Variants in TSPAN15 observed in about 807,000 individuals in gnomAD.
TSPAN15 encodes tetraspanin 15.
TSPAN15 carries 20 observed loss-of-function variants against 34.5 expected under a neutral mutation model. The observed-to-expected ratio is 0.58, with a 90% CI of 0.41 to 0.84. The LOEUF (loss-of-function observed/expected upper bound fraction) is 0.84, where lower values mean the gene tolerates loss of function less well. Ranked by LOEUF, TSPAN15 falls within the 40% of genes least tolerant of loss-of-function variation. The pLI is 0.00. For missense variants in TSPAN15, 313 were observed against 386.1 expected (o/e 0.81, Z 1.59); for synonymous variants, 155 against 153.9 (o/e 1.01, Z -0.05).
chr10:69,507,842 A>G (rs2133173814), downstream of TSPAN15, among the ~76,000 whole-genome samples: 1 of 151,092 alleles, frequency 6.6e-6, no homozygotes, highest in Non-Finnish European at 1.5e-5. Flanking sequence ...AGAGGTGACC[A>G]CGCCTATTTT....
chr10:69,459,838 G>T (rs1201676187), intron 1 of TSPAN15, among the ~76,000 whole-genome samples: 4 of 151,844 alleles, frequency 2.6e-5, no homozygotes, highest in Non-Finnish European at 4.4e-5. Flanking sequence ...GGGCAGTGGG[G>T]AGGATCCTGT....
intron 1 of TSPAN15, among the ~76,000 whole-genome samples, chr10:69,455,547 TTC>T (rs1165587609): frequency 1.1e-4 from 14 of 130,472 alleles, no homozygotes; most frequent in African/African-American, 3.8e-4. Flanking sequence ...TCTTTCTTTC[TTC>T]TCTCTCTCTC....
At chr10:69,540,492 C>T in the TSPAN15 span, among the ~76,000 whole-genome samples, 4 of 152,212 alleles carry the variant, frequency 2.6e-5, no homozygotes, top group African/African-American at 9.6e-5. Context: ...GAGGGGATTT[C>T]AATCAGAAGG....
At chr10:69,457,622 C>G (rs2065802807) in intron 1 of TSPAN15, among the ~76,000 whole-genome samples, 1 of 152,130 alleles carries the variant, frequency 6.6e-6, no homozygotes, top group South Asian at 2.1e-4. Context: ...TGGGCTTTCT[C>G]CAAGGATGAA....
chr10:69,457,909 T>G (rs1191853684), intron 1 of TSPAN15, among the ~76,000 whole-genome samples: 1 of 152,214 alleles, frequency 6.6e-6, no homozygotes, highest in East Asian at 1.9e-4. Flanking sequence ...TGCCTTCCTC[T>G]CTAGCCTTGC....
the TSPAN15 span, among the ~76,000 whole-genome samples, chr10:69,522,961 A>G: frequency 5.9e-3 from 876 of 147,910 alleles, 59 homozygotes; most frequent in African/African-American, 0.02. Context: ...TGTCACCTGT[A>G]CTTTTGATGT....
chr10:69,534,468 G>T, the TSPAN15 span, among the ~76,000 whole-genome samples: 29,119 of 152,104 alleles, frequency 0.19, 3,019 homozygotes, highest in East Asian at 0.29. Context: ...GGCACAAGGA[G>T]AATGAAAGAG....
At chr10:69,501,849 G>A (rs549192288) in intron 5 of TSPAN15, among the ~76,000 whole-genome samples, 72 of 152,250 alleles carry the variant, frequency 4.7e-4, no homozygotes, top group Non-Finnish European at 5.0e-4. Flanking sequence ...CATTAGAGTC[G>A]CATAGGAGTG....
At chr10:69,516,826 T>C in the TSPAN15 span, among the ~76,000 whole-genome samples, 1 of 152,220 alleles carries the variant, frequency 6.6e-6, no homozygotes, top group Admixed American at 6.5e-5. Context: ...ATCTGCTTTC[T>C]GCTCTGCTGT....
At chr10:69,541,181 G>A in the TSPAN15 span, among the ~76,000 whole-genome samples, 5 of 152,132 alleles carry the variant, frequency 3.3e-5, no homozygotes, top group African/African-American at 1.2e-4. Context: ...GTGATCACTG[G>A]GGGCAGTTCA....
chr10:69,479,514 G>A (rs538690287), intron 1 of TSPAN15, among the ~76,000 whole-genome samples: 30 of 152,334 alleles, frequency 2.0e-4, no homozygotes, highest in African/African-American at 7.0e-4. Flanking sequence ...AAATGGGCAT[G>A]GCCGTGTGCC....
At chr10:69,493,295 G>A (rs7088965) in intron 3 of TSPAN15, among the ~76,000 whole-genome samples, 57,154 of 152,006 alleles carry the variant, frequency 0.38, 11,450 homozygotes, top group Non-Finnish European at 0.44. Flanking sequence ...TGCCAGGTCC[G>A]CGAAGGGCCA....
chr10:69,502,466 G>A (rs1050744201), intron 5 of TSPAN15, among the ~76,000 whole-genome samples: 2 of 152,176 alleles, frequency 1.3e-5, no homozygotes, highest in African/African-American at 4.8e-5. Context: ...CAGGGTGAGA[G>A]GATGCACACA....
intron 4 of TSPAN15, 82 bp downstream of exon 4, chr10:69,495,771 G>A: frequency 1.0e-6 from 1 of 982,278 alleles, no homozygotes; most frequent in East Asian, 2.5e-5. Flanking sequence ...AAGATGGGGT[G>A]AGGGACCAGG....
chr10:69,549,073 CAAT>C, the TSPAN15 span, among the ~76,000 whole-genome samples: 8 of 151,680 alleles, frequency 5.3e-5, no homozygotes, highest in South Asian at 2.1e-4. Context: ...ATCAAGCACT[CAAT>C]GATGTAAATT....
chr10:69,542,578 GA>G, the TSPAN15 span, among the ~76,000 whole-genome samples: 4 of 152,286 alleles, frequency 2.6e-5, no homozygotes, highest in East Asian at 7.7e-4. Context: ...GAGGCCTCAG[GA>G]AACTTACAAT....
At chr10:69,460,970 G>C (rs1841240283) in intron 1 of TSPAN15, among the ~76,000 whole-genome samples, 1 of 152,140 alleles carries the variant, frequency 6.6e-6, no homozygotes, top group Non-Finnish European at 1.5e-5. Context: ...ACAACTCTCT[G>C]TGCCTTGGTT....
chr10:69,542,902 G>C, the TSPAN15 span, among the ~76,000 whole-genome samples: 1 of 152,252 alleles, frequency 6.6e-6, no homozygotes, highest in Non-Finnish European at 1.5e-5. Flanking sequence ...GAATGAGACA[G>C]ACCTGGGTTT....
intron 5 of TSPAN15, among the ~76,000 whole-genome samples, chr10:69,499,023 G>A (rs549187452): frequency 3.9e-5 from 6 of 152,212 alleles, no homozygotes; most frequent in African/African-American, 7.2e-5. Flanking sequence ...GTCTGGTGAC[G>A]TAAATGCCAT....
Sources: allele counts gnomAD v4.1 joint callset (sites outside exome capture counted in the v4.1 genomes callset), GRCh38; gene constraint gnomAD v4.1.1; transcripts MANE v1.5; gene names NCBI Gene and HGNC (gene_info 2026-07-23, HGNC 2026-07-21).